PTAR1: variants seen among roughly 807,000 people sequenced by gnomAD.
The protein encoded by PTAR1 is protein prenyltransferase alpha subunit repeat containing 1, also known as protein prenyltransferase alpha subunit repeat-containing protein 1.
Under a neutral mutation model 45.5 loss-of-function variants are expected in PTAR1, and 17 were observed. The ratio of observed to expected loss-of-function variants is 0.37; its 90% confidence interval spans 0.26 to 0.56. The LOEUF (loss-of-function observed/expected upper bound fraction) is 0.56. PTAR1 is among the 20% of genes least tolerant of loss of function. The pLI is 0.77. For synonymous variants in PTAR1, 169 were observed against 171.3 expected, an observed-to-expected ratio of 0.99 and a Z score of 0.11; for missense variants, 391 against 476.3, an observed-to-expected ratio of 0.82 and a Z score of 1.67.
rs373951055 is a variant in PTAR1, at chr9:69,723,591, A to G, written c.682T>C (p.Ser228Pro). 18 of 1,613,674 alleles carry G rather than the reference A, an allele frequency of 1.1e-5. No individual in the cohort carries two copies. The highest frequency in any genetic ancestry group is 2.7e-5 in the African/African-American group (2 of 74,914). Residue 228 changes from serine to proline, a missense_variant, in exon 6 of 8, where the codon TCT becomes CCT. Transcript: ENST00000340434. Reference sequence around the variant, plus strand: ...CCACTGTGGTCTGAAACGTGCATAGATGCCCAATGTTTAGTAGAAGATAGT... The same window carrying G: ...CCACTGTGGTCTGAAACGTGCATAGGTGCCCAATGTTTAGTAGAAGATAGT... ...DELSSTKHWASMHVSDHSGFH... is the reference protein window; with the variant it reads ...DELSSTKHWAPMHVSDHSGFH...
rs1827023786 is a variant in PTAR1, at chr9:69,759,992, G to A, written c.-54C>T. ...CGCCTCCGCGTGAGCCGGGCCGCCG[G>A]CGGGAGTTCCGCGGAGAACGAGCGC... is the stretch of plus-strand genomic sequence containing the variant. On this transcript the variant is annotated 5_prime_UTR_variant, in exon 1 of 8. Coordinates refer to ENST00000340434, the MANE Select transcript of PTAR1 (RefSeq NM_001099666.2). 3 of 1,391,602 alleles carry A rather than the reference G, an allele frequency of 2.2e-6. No homozygotes were observed. Among genetic ancestry groups the A allele is most frequent in the East Asian group, 3.3e-5 (1 of 30,046 alleles). The allele number at this position is 1,391,602 out of a possible 1,614,324, so 86.2% of individuals were successfully genotyped here. A position where few individuals can be genotyped will look rare whatever the true frequency, so the allele number is the denominator to read the frequency against.
intron 3 of PTAR1, among the ~76,000 whole-genome samples, chr9:69,739,031 C>T (rs1825921558): frequency 6.6e-6 from 1 of 152,140 alleles, no homozygotes; most frequent in Non-Finnish European, 1.5e-5. Flanking sequence ...TGGTCTTGAT[C>T]TCCTGACCTC....
intron 3 of PTAR1, among the ~76,000 whole-genome samples, chr9:69,740,589 C>T (rs911310881): frequency 4.0e-5 from 6 of 151,444 alleles, no homozygotes; most frequent in African/African-American, 9.7e-5. Context: ...ATTTCCGTGC[C>T]CAATTTGCAA....
intron 5 of PTAR1, among the ~76,000 whole-genome samples, chr9:69,726,527 A>G (rs1012571697): frequency 1.3e-5 from 2 of 152,058 alleles, no homozygotes; most frequent in Non-Finnish European, 2.9e-5. Flanking sequence ...AAAACTTTAT[A>G]AAGTTCTTGA....
intron 6 of PTAR1, among the ~76,000 whole-genome samples, chr9:69,720,928 G>A (rs1168367165): frequency 6.6e-6 from 1 of 152,180 alleles, no homozygotes; most frequent in Admixed American, 6.5e-5. Context: ...CTAGTCATGT[G>A]AGAGCTCTGA....
chr9:69,712,253 T>C lies in PTAR1; in HGVS notation c.*6089A>G, dbSNP rs890725797. On this transcript the variant is annotated 3_prime_UTR_variant, in exon 8 of 8. Transcript: ENST00000340434. ...TATGGAAGAAAAGCCAGAATGTTAT[T>C]GTTTGTAAACCACTAAAGACTTAAT... The C allele has an allele frequency of 1.3e-5, 2 of 152,190 alleles. No homozygotes were observed. Among genetic ancestry groups the C allele is most frequent in the African/African-American group, 4.8e-5 (2 of 41,468 alleles). 9.4% of individuals were successfully genotyped at this position (152,190 alleles called of 1,614,324 possible). A position where few individuals can be genotyped will look rare whatever the true frequency, so the allele number is the denominator to read the frequency against.
intron 3 of PTAR1, among the ~76,000 whole-genome samples, chr9:69,737,236 C>T (rs776142255): frequency 3.9e-5 from 6 of 151,964 alleles, no homozygotes; most frequent in African/African-American, 9.7e-5. Context: ...CACACAACCA[C>T]GTCTAGCTAA....
chr9:69,752,235 T>C lies in PTAR1; in HGVS notation c.87-1285A>G, dbSNP rs79900794. The stretch of plus-strand genomic sequence containing the variant: ...CCTTACCAAGAACACAGTGGTTTGA[T>C]AGACCCAAAAGAGGGAAATTGGTTG... On this transcript the variant is annotated intron_variant, in intron 1 of 7. Transcript: ENST00000340434. Among the ~76,000 whole-genome samples, 92 of 152,220 alleles carry C rather than the reference T, an allele frequency of 6.0e-4. 2 individuals are homozygous for C. The East Asian group carries it at 0.012, about 20-fold the overall frequency.
chr9:69,721,719 G>A lies in PTAR1; in HGVS notation c.947+1607C>T, dbSNP rs563650753. On this transcript the variant is annotated intron_variant, in intron 6 of 7. Coordinates refer to ENST00000340434, the MANE Select transcript of PTAR1 (RefSeq NM_001099666.2). ...TCAATCAGCAGCCACCAACACTGAG[G>A]CAAGACCCTTCACCAGCAAAAGATT... 4.6e-5 allele frequency among the ~76,000 whole-genome samples: 7 copies of A among 152,276 alleles called. No homozygotes were observed. In the South Asian group the frequency reaches 1.2e-3, roughly 27 times the overall value.
chr9:69,748,901 C>G lies in PTAR1; in HGVS notation c.256+1880G>C, dbSNP rs924332417. Among the ~76,000 whole-genome samples, 133 of 152,094 alleles carry G rather than the reference C, an allele frequency of 8.7e-4. 1 individual carries two copies. The highest frequency in any genetic ancestry group is 2.1e-4 in the Non-Finnish European group (14 of 67,960). On this transcript the variant is annotated intron_variant, in intron 2 of 7. Coordinates refer to ENST00000340434, the MANE Select transcript of PTAR1 (RefSeq NM_001099666.2). Reference sequence around the variant, plus strand: ...TATATAACCTGAGTAGTATGTGACACCATACTAAATTATGCTATCCACCCC... The same window carrying G: ...TATATAACCTGAGTAGTATGTGACAGCATACTAAATTATGCTATCCACCCC...
chr9:69,737,395 T>A (rs913391096), intron 3 of PTAR1, among the ~76,000 whole-genome samples: 10 of 152,034 alleles, frequency 6.6e-5, no homozygotes, highest in South Asian at 2.1e-4. Flanking sequence ...AGCTACATTT[T>A]AAAAAAATCA....
At chr9:69,755,840 T>C (rs1473553075) in intron 1 of PTAR1, among the ~76,000 whole-genome samples, 4 of 152,200 alleles carry the variant, frequency 2.6e-5, no homozygotes, top group African/African-American at 9.7e-5. Flanking sequence ...TTACTGACCT[T>C]ATTTAGAAAA....
rs1824562982 is a variant in PTAR1, at chr9:69,712,518, A to C, written c.*5824T>G. On this transcript the variant is annotated 3_prime_UTR_variant, in exon 8 of 8. Coordinates refer to ENST00000340434, the MANE Select transcript of PTAR1 (RefSeq NM_001099666.2). ...TTATGCAAAATGGTATATTTTTCCC[A>C]AAGCTAAGAATATGGACAATGATGA... The C allele has an allele frequency of 6.6e-6, 1 of 152,200 alleles. No individual in the cohort carries two copies. The highest frequency in any genetic ancestry group is 1.5e-5 in the Non-Finnish European group (1 of 68,018). 9.4% of individuals were successfully genotyped at this position (152,200 alleles called of 1,614,324 possible).
At chr9:69,729,894 C>T (rs1284046274) in intron 5 of PTAR1, among the ~76,000 whole-genome samples, 2 of 152,146 alleles carry the variant, frequency 1.3e-5, no homozygotes, top group Non-Finnish European at 2.9e-5. Flanking sequence ...CTTCAGTAAG[C>T]TTATAACAAT....
chr9:69,726,042 T>C (rs908043966), intron 5 of PTAR1, among the ~76,000 whole-genome samples: 3 of 152,142 alleles, frequency 2.0e-5, no homozygotes, highest in African/African-American at 7.2e-5. Flanking sequence ...AAAATACATA[T>C]GCCATAGGTC....
intron 6 of PTAR1, 95 bp downstream of exon 6, chr9:69,723,231 C>T: frequency 1.9e-6 from 2 of 1,042,528 alleles, no homozygotes; most frequent in East Asian, 2.4e-5. Context: ...ACCATGTTTA[C>T]CCAAGCAGGC....
In PTAR1 at chr9:69,741,070, C is replaced by T. The variant is rs543298909; in HGVS notation, c.323+722G>A. 1.1e-4 allele frequency among the ~76,000 whole-genome samples: 17 copies of T among 152,138 alleles called. No homozygotes were observed. The South Asian group carries it at 3.5e-3, about 32-fold the overall frequency. On this transcript the variant is annotated intron_variant, in intron 3 of 7. Transcript: ENST00000340434. ...TGGCTACTGTACTGGATTGTGCAAC[C>T]CTAGAAAATAGAATGTCTCAGGGCT...
Position 69,712,271 on chromosome 9 carries a change from G to A in PTAR1, c.*6071C>T, listed in dbSNP as rs1342332470. On this transcript the variant is annotated 3_prime_UTR_variant, in exon 8 of 8. Transcript: ENST00000340434. The stretch of plus-strand genomic sequence containing the variant: ...ATGTTATTGTTTGTAAACCACTAAA[G>A]ACTTAATATGAACAGTTTACATAAC... 6.6e-6 allele frequency: 1 copy of A among 152,118 alleles called. No individual in the cohort carries two copies. The highest frequency in any genetic ancestry group is 1.5e-5 in the Non-Finnish European group (1 of 67,988). 9.4% of individuals were successfully genotyped at this position (152,118 alleles called of 1,614,324 possible).
At chr9:69,746,011 CCT>C (rs1826258346) in intron 2 of PTAR1, among the ~76,000 whole-genome samples, 1 of 152,178 alleles carries the variant, frequency 6.6e-6, no homozygotes, top group Non-Finnish European at 1.5e-5. Flanking sequence ...ACATCAACAG[CCT>C]TGACCACCAT....
Sources: allele counts gnomAD v4.1 joint callset (sites outside exome capture counted in the v4.1 genomes callset), GRCh38; gene constraint gnomAD v4.1.1; transcripts MANE v1.5; gene names NCBI Gene and HGNC (gene_info 2026-07-23, HGNC 2026-07-21).